Variants in IGFBP7 observed in about 807,000 individuals in gnomAD.
IGFBP7 encodes the protein insulin-like growth factor-binding protein 7.
IGFBP7 carries 31 observed loss-of-function variants against 29.4 expected under a neutral mutation model. The observed-to-expected ratio is 1.05, with a 90% CI of 0.79 to 1.42. The LOEUF (loss-of-function observed/expected upper bound fraction) is 1.42, where lower values mean the gene tolerates loss of function less well. IGFBP7 is among the 40% of genes most tolerant of loss of function. IGFBP7 has a pLI of 0.00. For missense variants in IGFBP7, 393 were observed against 395.5 expected (o/e 0.99, Z 0.05); for synonymous variants, 172 against 174.9 (o/e 0.98, Z 0.13).
At chr4:57,075,334 G>T (rs1398071228) in intron 1 of IGFBP7, among the ~76,000 whole-genome samples, 2 of 152,114 alleles carry the variant, frequency 1.3e-5, no homozygotes, top group South Asian at 2.1e-4. Flanking sequence ...ATTAACTGAA[G>T]TGCATTTCTT....
At chr4:57,038,471 C>T (rs1408148829) in intron 2 of IGFBP7, among the ~76,000 whole-genome samples, 2 of 152,088 alleles carry the variant, frequency 1.3e-5, no homozygotes, top group African/African-American at 4.8e-5. Context: ...TTTGTTTTGC[C>T]TAGGCTGGTT....
chr4:57,061,379 A>G (rs1325936346), intron 1 of IGFBP7, among the ~76,000 whole-genome samples: 1 of 152,184 alleles, frequency 6.6e-6, no homozygotes, highest in East Asian at 1.9e-4. Flanking sequence ...ACGGTAAGAG[A>G]TTAACAACAG....
Position 57,094,910 on chromosome 4 carries a change from G to A in IGFBP7, c.475+14967C>T, listed in dbSNP as rs114540603. ...ACAGAGCAGCAAACATTTGAGTCAC[G>A]GGGTCCCCACTGAGGTGGAACAAGG... On this transcript the variant is annotated intron_variant, in intron 1 of 4. Transcript: ENST00000295666. 4.0e-3 allele frequency among the ~76,000 whole-genome samples: 611 copies of A among 152,302 alleles called. 6 individuals are homozygous for A. The highest frequency in any genetic ancestry group is 0.014 in the African/African-American group (575 of 41,566).
chr4:57,110,133 AC>A lies in IGFBP7; in HGVS notation c.218del (p.Gly73ValfsTer16). The A allele has an allele frequency of 6.7e-7, 1 of 1,495,052 alleles. No individual in the cohort carries two copies. Among genetic ancestry groups the A allele is most frequent in the South Asian group, 1.3e-5 (1 of 79,668 alleles). 92.6% of individuals were successfully genotyped at this position (1,495,052 alleles called of 1,614,324 possible). On this transcript the variant is annotated frameshift_variant, in exon 1 of 5. Transcript: ENST00000295666. LOFTEE classifies it high-confidence loss of function. ...CARGEGEPCG[G>X]GGAGRGYCAP... is the part of the protein sequence containing the mutation. ...CGCAGTACCCCCTGCCGGCGCCGCC[AC>A]CCCCGCACGGCTCGCCCTCGCCGCG... is the stretch of plus-strand genomic sequence containing the variant.
chr4:57,103,660 CTTTTTT>C (rs59173874), intron 1 of IGFBP7, among the ~76,000 whole-genome samples: 3 of 86,480 alleles, frequency 3.5e-5, no homozygotes, highest in African/African-American at 8.9e-5. Context: ...TTTTTCTTTT[CTTTTTT>C]TTTTTTTTTT....
chr4:57,067,139 G>A (rs1294815599), intron 1 of IGFBP7, among the ~76,000 whole-genome samples: 1 of 152,112 alleles, frequency 6.6e-6, no homozygotes, highest in Non-Finnish European at 1.5e-5. Flanking sequence ...GAAGATGTCT[G>A]CAATGATGAT....
intron 1 of IGFBP7, among the ~76,000 whole-genome samples, chr4:57,083,494 TA>T (rs1409706217): frequency 6.6e-6 from 1 of 152,268 alleles, no homozygotes; most frequent in Non-Finnish European, 1.5e-5. Flanking sequence ...CCTGTTGCTT[TA>T]TCGATCAACT....
At position 57,110,251 on chromosome 4, in the gene IGFBP7, G is replaced by T. The variant is rs570122247; in HGVS notation, c.101C>A (p.Pro34His). 359 of 1,399,708 alleles carry T rather than the reference G, an allele frequency of 2.6e-4. 5 individuals carry two copies. In the South Asian group the frequency reaches 5.2e-3, roughly 20 times the overall value. 86.7% of individuals were successfully genotyped at this position (1,399,708 alleles called of 1,614,324 possible). ...GGGCGGGCAGGAGGCCGGCTCGCAG[G>T]GGCCGCAGGTGTCCGAAGAGGAGGA... ...SSSSSSDTCGPCEPASCPPLP... is the reference protein window; with the variant it reads ...SSSSSSDTCGHCEPASCPPLP... Residue 34 changes from proline to histidine, a missense_variant, in exon 1 of 5, where the codon CCC (proline) becomes CAC (histidine). Coordinates refer to ENST00000295666, the MANE Select transcript of IGFBP7 (RefSeq NM_001553.3).
intron 1 of IGFBP7, among the ~76,000 whole-genome samples, chr4:57,094,394 G>A (rs1428517734): frequency 1.3e-5 from 2 of 152,134 alleles, no homozygotes; most frequent in African/African-American, 4.8e-5. Context: ...CAGTGCCTTT[G>A]AGGGTGGCTC....
chr4:57,031,430 A>C, intron 4 of IGFBP7, 94 bp from the exon 5 acceptor site: 2 of 883,234 alleles, frequency 2.3e-6, no homozygotes, highest in Non-Finnish European at 3.7e-6. Flanking sequence ...CAAATAAATG[A>C]AGATGTTAAA....
At chr4:57,102,012 T>C (rs1490170254) in intron 1 of IGFBP7, among the ~76,000 whole-genome samples, 1 of 152,208 alleles carries the variant, frequency 6.6e-6, no homozygotes, top group Admixed American at 6.5e-5. Flanking sequence ...AAAAATTTTT[T>C]TGACGATAAT....
intron 1 of IGFBP7, among the ~76,000 whole-genome samples, chr4:57,099,207 A>C (rs1038466418): frequency 6.6e-6 from 1 of 152,210 alleles, no homozygotes; most frequent in African/African-American, 2.4e-5. Flanking sequence ...CAAGAAAAAC[A>C]ACATGAAAGA....
chr4:57,078,368 C>T (rs1252609106), intron 1 of IGFBP7, among the ~76,000 whole-genome samples: 2 of 152,134 alleles, frequency 1.3e-5, no homozygotes, highest in African/African-American at 4.8e-5. Context: ...ACCACTATTC[C>T]ATATTACCTC....
intron 1 of IGFBP7, among the ~76,000 whole-genome samples, chr4:57,085,666 T>C (rs1029770714): frequency 6.6e-6 from 1 of 152,208 alleles, no homozygotes; most frequent in Non-Finnish European, 1.5e-5. Context: ...TCTTCTCTTA[T>C]ATAAAATTTC....
At chr4:57,085,407 T>C (rs1258653284) in intron 1 of IGFBP7, among the ~76,000 whole-genome samples, 1 of 152,202 alleles carries the variant, frequency 6.6e-6, no homozygotes, top group Non-Finnish European at 1.5e-5. Context: ...AACCTCCTAG[T>C]CTTTTAAGGG....
At chr4:57,066,619 A>T (rs1369922976) in intron 1 of IGFBP7, among the ~76,000 whole-genome samples, 1 of 151,480 alleles carries the variant, frequency 6.6e-6, no homozygotes, top group Non-Finnish European at 1.5e-5. Flanking sequence ...GCTGGAGTGC[A>T]TTGGTGTGAT....
At chr4:57,075,854 C>T (rs1228354782) in intron 1 of IGFBP7, among the ~76,000 whole-genome samples, 1 of 152,184 alleles carries the variant, frequency 6.6e-6, no homozygotes, top group Non-Finnish European at 1.5e-5. Context: ...AAGTACCTGC[C>T]TTTCCACTCA....
chr4:57,096,258 G>A (rs1725761804), intron 1 of IGFBP7, among the ~76,000 whole-genome samples: 1 of 146,794 alleles, frequency 6.8e-6, no homozygotes. Context: ...TGTTTTCTAG[G>A]GCTTACACTT....
At chr4:57,072,014 G>A (rs1725063667) in intron 1 of IGFBP7, among the ~76,000 whole-genome samples, 1 of 151,794 alleles carries the variant, frequency 6.6e-6, no homozygotes, top group Non-Finnish European at 1.5e-5. Flanking sequence ...TTTTATTTTA[G>A]GTTTGGGGGT....
Sources: gnomAD v4.1 joint callset for allele counts (sites outside exome capture counted in the v4.1 genomes callset) on GRCh38, gnomAD v4.1.1 for gene constraint, MANE v1.5 for transcripts, NCBI Gene and HGNC (gene_info 2026-07-23, HGNC 2026-07-21) for gene names.